The following MRPL42 variants were observed in gnomAD, a reference collection of about 807,000 sequenced individuals.
The protein encoded by MRPL42 is large ribosomal subunit protein mL42.
Under a neutral mutation model 17.9 loss-of-function variants are expected in MRPL42, and 17 were observed. The observed-to-expected ratio is 0.95, with a 90% CI of 0.65 to 1.42. The LOEUF is 1.42. Ranked by LOEUF, MRPL42 falls within the 40% of genes most tolerant of loss-of-function variation. The probability of loss-of-function intolerance (pLI) is 0.00; values close to 1 mark genes in which losing one functional copy is unlikely to be tolerated. For synonymous variants in MRPL42, 59 were observed against 54.4 expected, an observed-to-expected ratio of 1.08 and a Z score of -0.37; for missense variants, 177 against 175.2, an observed-to-expected ratio of 1.01 and a Z score of -0.06.
chr12:93,492,142 G>T (rs1953427842), intron 5 of MRPL42, among the ~76,000 whole-genome samples: 1 of 152,164 alleles, frequency 6.6e-6, no homozygotes, highest in African/African-American at 2.4e-5. Flanking sequence ...CCTAGTAATG[G>T]GATTGGTGGG....
Position 93,501,247 on chromosome 12 carries a change from G to A in MRPL42, c.*26G>A. ...TGCGGAGGTTCCTGGGGGAATCAAA[G>A]AGAAATGTGCCTCATTTGCCATTTG... On this transcript the variant is annotated 3_prime_UTR_variant, in exon 6 of 6. Coordinates refer to ENST00000549982, the MANE Select transcript of MRPL42 (RefSeq NM_014050.4). 1 of 1,582,082 alleles carries A rather than the reference G, an allele frequency of 6.3e-7. No homozygotes were observed. The highest frequency in any genetic ancestry group is 8.6e-7 in the Non-Finnish European group (1 of 1,165,892).
chr12:93,472,832 T>G (rs1318655330), intron 2 of MRPL42, among the ~76,000 whole-genome samples: 1 of 152,328 alleles, frequency 6.6e-6, no homozygotes, highest in East Asian at 1.9e-4. Context: ...TTATAACAGC[T>G]TTGATTTTGG....
rs369562589 is a variant in MRPL42, at chr12:93,477,051, T to C, written c.134+34T>C. On this transcript the variant is annotated intron_variant, in intron 3 of 5. Coordinates refer to ENST00000549982, the MANE Select transcript of MRPL42 (RefSeq NM_014050.4). ...TAAAATTCAATTGAAGAAATAATAG[T>C]CTTAGCTATAGCTGAAATGATTTAA... The C allele has an allele frequency of 8.6e-6, 12 of 1,397,968 alleles. No individual in the cohort carries two copies. In the African/African-American group the frequency reaches 1.6e-4, roughly 18 times the overall value. The allele number at this position is 1,397,968 out of a possible 1,614,324, so 86.6% of individuals were successfully genotyped here.
chr12:93,509,505 T>C lies in MRPL42; in HGVS notation c.*8284T>C, dbSNP rs1028277471. The C allele has an allele frequency of 2.0e-5, 3 of 151,684 alleles. No homozygotes were observed. The highest frequency in any genetic ancestry group is 7.3e-5 in the African/African-American group (3 of 41,316). 9.4% of individuals were successfully genotyped at this position (151,684 alleles called of 1,614,324 possible). On this transcript the variant is annotated 3_prime_UTR_variant, in exon 6 of 6. Coordinates refer to ENST00000549982, the MANE Select transcript of MRPL42 (RefSeq NM_014050.4). The stretch of plus-strand genomic sequence containing the variant: ...ACTTTTTGCCAGGCACAGTGGCACA[T>C]GCCTGTAGACCTAGCTACTCAGGAG...
Position 93,468,723 on chromosome 12 carries a change from T to TTTA in MRPL42, c.-94-450_-94-448dup, listed in dbSNP as rs889341261. On this transcript the variant is annotated intron_variant, in intron 1 of 5. Coordinates refer to ENST00000549982, the MANE Select transcript of MRPL42 (RefSeq NM_014050.4). Reference sequence around the variant, plus strand: ...AAGGATAGGCCTTGTTTGATATTTCTTTATTATTATTATTATTATTAATGG... The same window carrying TTTA: ...AAGGATAGGCCTTGTTTGATATTTCTTTATTATTATTATTATTATTATTAATGG... Among the ~76,000 whole-genome samples the TTTA allele has an allele frequency of 7.9e-4, 120 of 152,064 alleles. 1 individual carries two copies. The highest frequency in any genetic ancestry group is 3.7e-3 in the East Asian group (19 of 5,184).
intron 5 of MRPL42, among the ~76,000 whole-genome samples, chr12:93,490,121 A>T (rs1333755120): frequency 6.6e-6 from 1 of 152,152 alleles, no homozygotes; most frequent in Non-Finnish European, 1.5e-5. Context: ...CATGTTCCAT[A>T]TTGCTACAAT....
In MRPL42 at chr12:93,510,129, C is replaced by T. The variant is rs1265562859; in HGVS notation, c.*8908C>T. 1 of 152,614 alleles carries T rather than the reference C, an allele frequency of 6.6e-6. No homozygotes were observed. The highest frequency in any genetic ancestry group is 2.4e-5 in the African/African-American group (1 of 41,466). The allele number at this position is 152,614 out of a possible 1,614,324, so 9.5% of individuals were successfully genotyped here. On this transcript the variant is annotated 3_prime_UTR_variant, in exon 6 of 6. Coordinates refer to ENST00000549982, the MANE Select transcript of MRPL42 (RefSeq NM_014050.4). ...CCTCCCCACTGACCCCCGGCTACCA[C>T]TGGTCTTTTCACTGTCTCCGTAAGT... is the stretch of plus-strand genomic sequence containing the variant.
intron 3 of MRPL42, 60 bp from the exon 4 acceptor site, chr12:93,479,328 A>AG (rs1402495037): frequency 7.9e-6 from 10 of 1,263,710 alleles, no homozygotes; most frequent in Non-Finnish European, 1.1e-5. Context: ...AAAAAAAAAA[A>AG]GGTAATCATT....
intron 1 of MRPL42, among the ~76,000 whole-genome samples, chr12:93,468,604 T>C (rs1233045256): frequency 2.6e-5 from 4 of 152,224 alleles, no homozygotes; most frequent in African/African-American, 9.6e-5. Context: ...TGAAAGTACG[T>C]TGGAAAGTTA....
chr12:93,488,428 A>C (rs1467310456), intron 5 of MRPL42: 1 of 396,560 alleles, frequency 2.5e-6, no homozygotes, highest in East Asian at 3.6e-5. Flanking sequence ...GCTAAAATGA[A>C]ATAGTACTTC....
In MRPL42 at chr12:93,515,110, A is replaced by G. The variant is rs1953767148; in HGVS notation, c.*13889A>G. On this transcript the variant is annotated 3_prime_UTR_variant, in exon 6 of 6. Coordinates refer to ENST00000549982, the MANE Select transcript of MRPL42 (RefSeq NM_014050.4). ...ACTGATTTTTAATTTTACCATTTAA[A>G]TGTTAGTAACAGCTGGTAATGTAAC... is the stretch of plus-strand genomic sequence containing the variant. 1 of 152,210 alleles carries G rather than the reference A, an allele frequency of 6.6e-6. No individual in the cohort carries two copies. Among genetic ancestry groups the G allele is most frequent in the African/African-American group, 2.4e-5 (1 of 41,448 alleles). 9.4% of individuals were successfully genotyped at this position (152,210 alleles called of 1,614,324 possible). A position where few individuals can be genotyped will look rare whatever the true frequency, so the allele number is the denominator to read the frequency against.
chr12:93,479,328 A>AAAG, intron 3 of MRPL42, 60 bp from the exon 4 acceptor site: 1 of 1,263,826 alleles, frequency 7.9e-7, no homozygotes, highest in Non-Finnish European at 1.1e-6. Flanking sequence ...AAAAAAAAAA[A>AAAG]GGTAATCATT....
intron 4 of MRPL42, among the ~76,000 whole-genome samples, chr12:93,482,294 C>T (rs1027297356): frequency 6.6e-6 from 1 of 152,306 alleles, no homozygotes; most frequent in African/African-American, 2.4e-5. Context: ...TGTACCTCTG[C>T]TCCTGCACTC....
At position 93,487,520 on chromosome 12, in the gene MRPL42, G is replaced by A. The variant is rs951440340; in HGVS notation, c.243G>A (p.Val81=). 3 of 1,613,706 alleles carry A rather than the reference G, an allele frequency of 1.9e-6. No individual in the cohort carries two copies. The highest frequency in any genetic ancestry group is 1.7e-6 in the Non-Finnish European group (2 of 1,179,846). ...AGCCTATCCCTCGGCCAGATCCTGT[G>A]CATAATAATGAAGAAACACATGATC... ...HTKPIPRPDP[V]HNNEETHDQV... Residue 81 remains valine, a synonymous_variant, in exon 5 of 6, where the codon GTG becomes GTA. Coordinates refer to ENST00000549982, the MANE Select transcript of MRPL42 (RefSeq NM_014050.4).
chr12:93,482,011 A>G (rs367732461), intron 4 of MRPL42, among the ~76,000 whole-genome samples: 94 of 152,148 alleles, frequency 6.2e-4, no homozygotes, highest in African/African-American at 2.1e-3. Context: ...TGTTTTGACA[A>G]TTATCTTCTC....
At chr12:93,484,911 A>G (rs1449200685) in intron 4 of MRPL42, among the ~76,000 whole-genome samples, 1 of 143,282 alleles carries the variant, frequency 7.0e-6, no homozygotes, top group Non-Finnish European at 1.5e-5. Context: ...AAACATTCTT[A>G]TGCAGCCCAT....
chr12:93,472,292 A>C (rs1879947836), intron 2 of MRPL42, among the ~76,000 whole-genome samples: 1 of 152,174 alleles, frequency 6.6e-6, no homozygotes, highest in East Asian at 1.9e-4. Flanking sequence ...TGTTGCTACT[A>C]TTATTGAAAG....
Position 93,496,800 on chromosome 12 carries a change from AT to A in MRPL42, c.384-4368del, listed in dbSNP as rs1167975094. 8.6e-4 allele frequency among the ~76,000 whole-genome samples: 35 copies of A among 40,896 alleles called. No homozygotes were observed. The East Asian group carries it at 0.017, about 20-fold the overall frequency. The allele number at this position is 40,896 out of a possible 152,430, so 26.8% of individuals were successfully genotyped here. On this transcript the variant is annotated intron_variant, in intron 5 of 5. Transcript: ENST00000549982. ...GAAATACAACAGATTCTCAGAGACT[AT>A]TTTTTTTGGGGGGGTTTGGGGGCGG... is the stretch of plus-strand genomic sequence containing the variant.
intron 1 of MRPL42, among the ~76,000 whole-genome samples, chr12:93,468,325 T>C (rs187552164): frequency 6.6e-6 from 1 of 152,280 alleles, no homozygotes; most frequent in Non-Finnish European, 1.5e-5. Context: ...AGGGCACGGA[T>C]ACTCATTGAA....
Sources: allele counts gnomAD v4.1 joint callset (sites outside exome capture counted in the v4.1 genomes callset), GRCh38; gene constraint gnomAD v4.1.1; transcripts MANE v1.5; gene names NCBI Gene and HGNC (gene_info 2026-07-23, HGNC 2026-07-21).